Variants in EFR3A observed in about 807,000 individuals in gnomAD.
The protein encoded by EFR3A is EFR3 homolog A.
EFR3A carries 76 observed loss-of-function variants against 104.4 expected under a neutral mutation model. That is an observed-to-expected ratio of 0.73 (90% CI 0.60 to 0.88). The LOEUF is 0.88. EFR3A is among the 40% of genes least tolerant of loss of function. The pLI is 0.00. For synonymous variants in EFR3A, 330 were observed against 330.0 expected, an observed-to-expected ratio of 1.00 and a Z score of 0.00; for missense variants, 985 against 1,012.5, an observed-to-expected ratio of 0.97 and a Z score of 0.37.
At position 131,946,478 on chromosome 8, in the gene EFR3A, T is replaced by A; in HGVS notation, c.216-5T>A. The A allele has an allele frequency of 6.5e-7, 1 of 1,547,576 alleles. No homozygotes were observed. Among genetic ancestry groups the A allele is most frequent in the South Asian group, 1.2e-5 (1 of 80,330 alleles). On this transcript the variant is annotated splice_region_variant and splice_polypyrimidine_tract_variant and intron_variant, in intron 3 of 22. Transcript: ENST00000254624. The stretch of plus-strand genomic sequence containing the variant: ...GCTTTGACATTCTTTTTCTCCTACA[T>A]GTAGGTATGTTTTGATTGCTATGGA...
chr8:132,008,729 C>G (rs1822164347), intron 22 of EFR3A, among the ~76,000 whole-genome samples: 1 of 149,668 alleles, frequency 6.7e-6, no homozygotes, highest in African/African-American at 2.5e-5. Flanking sequence ...GGACATGAAA[C>G]ATTTTGGGGG....
In EFR3A at chr8:132,010,709, C is replaced by T. The variant is rs550844054; in HGVS notation, c.2361-81C>T. On this transcript the variant is annotated intron_variant, in intron 22 of 22. Coordinates refer to ENST00000254624, the MANE Select transcript of EFR3A (RefSeq NM_015137.6). ...AATTAAGGAGTCTGACTTTGATATT[C>T]GCAGATAGTAGATAGAATACTCGGT... 129 of 1,487,254 alleles carry T rather than the reference C, an allele frequency of 8.7e-5. 1 individual carries two copies. The East Asian group carries it at 1.7e-3, about 20-fold the overall frequency. 92.1% of individuals were successfully genotyped at this position (1,487,254 alleles called of 1,614,324 possible).
At chr8:131,989,569 T>C (rs1169967693) in intron 18 of EFR3A, among the ~76,000 whole-genome samples, 1 of 152,218 alleles carries the variant, frequency 6.6e-6, no homozygotes, top group African/African-American at 2.4e-5. Flanking sequence ...AGTTAGTTGC[T>C]TAATAAATTA....
intron 2 of EFR3A, among the ~76,000 whole-genome samples, chr8:131,943,212 G>C (rs769347845): frequency 3.3e-5 from 5 of 151,984 alleles, no homozygotes; most frequent in Non-Finnish European, 7.4e-5. Flanking sequence ...AGCCAAAGTT[G>C]AAACACTTCT....
intron 21 of EFR3A, 111 bp downstream of exon 21, chr8:132,002,817 G>A (rs922176319): frequency 4.9e-6 from 4 of 813,380 alleles, no homozygotes; most frequent in Non-Finnish European, 5.9e-6. Context: ...CGGAACACAG[G>A]AAAATATATC....
chr8:131,924,176 C>A, intron 1 of EFR3A: 1 of 393,754 alleles, frequency 2.5e-6, no homozygotes, highest in South Asian at 1.8e-5. Flanking sequence ...TGATTATTAG[C>A]ATTTTATGCC....
chr8:131,945,956 A>G (rs755869942), intron 3 of EFR3A, among the ~76,000 whole-genome samples: 12 of 152,042 alleles, frequency 7.9e-5, no homozygotes, highest in Non-Finnish European at 1.3e-4. Context: ...TCGCAACCGC[A>G]CTTACATGCC....
intron 18 of EFR3A, among the ~76,000 whole-genome samples, chr8:131,993,721 ACC>A (rs1388197421): frequency 2.6e-5 from 4 of 151,640 alleles, no homozygotes; most frequent in African/African-American, 9.7e-5. Context: ...AAAAAAAAAT[ACC>A]CCATCTCTGC....
At chr8:131,933,611 GA>G (rs1292721042) in intron 1 of EFR3A, among the ~76,000 whole-genome samples, 1 of 152,000 alleles carries the variant, frequency 6.6e-6, no homozygotes, top group Non-Finnish European at 1.5e-5. Flanking sequence ...TAACTCTGCT[GA>G]GTAATATTTA....
At chr8:131,935,488 A>G (rs1433981714) in intron 1 of EFR3A, 6 of 449,100 alleles carry the variant, frequency 1.3e-5, no homozygotes, top group Non-Finnish European at 2.7e-5. Flanking sequence ...CAGTAATCGT[A>G]GGCACTGTCA....
chr8:132,000,075 G>T (rs1401123044), intron 19 of EFR3A, among the ~76,000 whole-genome samples: 3 of 152,024 alleles, frequency 2.0e-5, no homozygotes, highest in Non-Finnish European at 4.4e-5. Flanking sequence ...TTAAAGAAAG[G>T]AGACATTAAA....
At chr8:131,979,104 T>C in intron 13 of EFR3A, 85 bp downstream of exon 13, 6 of 1,317,186 alleles carry the variant, frequency 4.6e-6, no homozygotes, top group Non-Finnish European at 5.2e-6. Context: ...TTTTTAAAAA[T>C]CTAGCATGTT....
chr8:131,972,672 A>G (rs893186956), intron 10 of EFR3A, among the ~76,000 whole-genome samples: 1 of 152,156 alleles, frequency 6.6e-6, no homozygotes, highest in Non-Finnish European at 1.5e-5. Flanking sequence ...ACTGGTTGCT[A>G]TGATAATTTC....
chr8:131,915,042 A>T (rs1277179224), intron 1 of EFR3A, among the ~76,000 whole-genome samples: 1 of 152,120 alleles, frequency 6.6e-6, no homozygotes, highest in Non-Finnish European at 1.5e-5. Context: ...CATTTTCTTC[A>T]TCCAGTCTGT....
At chr8:131,990,921 T>C (rs908785189) in intron 18 of EFR3A, among the ~76,000 whole-genome samples, 7 of 146,096 alleles carry the variant, frequency 4.8e-5, no homozygotes, top group Non-Finnish European at 1.1e-4. Context: ...AGGATTTACT[T>C]ACCATTTCAT....
intron 18 of EFR3A, among the ~76,000 whole-genome samples, chr8:131,991,180 C>T (rs1247546940): frequency 3.3e-5 from 5 of 152,070 alleles, no homozygotes; most frequent in Non-Finnish European, 5.9e-5. Flanking sequence ...AAGCAGAAAC[C>T]CCTGATAAAC....
intron 11 of EFR3A, 77 bp downstream of exon 11, chr8:131,976,218 TTTTG>T (rs1483484923): frequency 1.0e-6 from 1 of 965,184 alleles, no homozygotes; most frequent in African/African-American, 1.7e-5. Flanking sequence ...AATGTTAACG[TTTTG>T]TTTTTTTTTA....
At position 131,977,082 on chromosome 8, in the gene EFR3A, C is replaced by A; in HGVS notation, c.1316C>A (p.Ser439Tyr). 6.2e-7 allele frequency: 1 copy of A among 1,601,542 alleles called. No homozygotes were observed. Among genetic ancestry groups the A allele is most frequent in the Non-Finnish European group, 8.5e-7 (1 of 1,173,482 alleles). ...AGAATTCAGATAATGTTGCTGAGAT[C>A]TTTGCTTATGGTAAGGCATTTAAGA... ...TRRIQIMLLR[S>Y]LLMVTSGYKA... Residue 439 changes from serine to tyrosine, a missense_variant, in exon 12 of 23, where the codon TCT becomes TAT. Transcript: ENST00000254624.
At chr8:131,981,665 TTAGTTAAGAGAATCC>T (rs1167607070) in intron 14 of EFR3A, among the ~76,000 whole-genome samples, 1 of 152,120 alleles carries the variant, frequency 6.6e-6, no homozygotes, top group Non-Finnish European at 1.5e-5. Flanking sequence ...GGACTGGCCT[TTAGTTAAGAGAATCC>T]TAGTTTAGCA....
Sources: allele counts gnomAD v4.1 joint callset (sites outside exome capture counted in the v4.1 genomes callset), GRCh38; gene constraint gnomAD v4.1.1; transcripts MANE v1.5; gene names NCBI Gene and HGNC (gene_info 2026-07-23, HGNC 2026-07-21).